SF3A2: variants seen among roughly 807,000 people sequenced by gnomAD.
SF3A2 encodes splicing factor 3a subunit 2.
Under a neutral mutation model 31.1 loss-of-function variants are expected in SF3A2, and 5 were observed. The observed-to-expected ratio is 0.16, with a 90% CI of 0.08 to 0.34. The LOEUF (loss-of-function observed/expected upper bound fraction) is 0.34, where lower values mean the gene tolerates loss of function less well. Among genes scored for constraint, SF3A2 ranks in the 10% least tolerant of loss-of-function variants. The probability of loss-of-function intolerance (pLI) is 1.00; values close to 1 mark genes in which losing one functional copy is unlikely to be tolerated. For synonymous variants in SF3A2, 365 were observed against 263.7 expected (o/e 1.38, Z -3.72); for missense variants, 577 against 643.9 (o/e 0.90, Z 1.13).
chr19:2,246,787 G>C lies in SF3A2; in HGVS notation c.390G>C (p.Gln130His), dbSNP rs772050677. 2 of 1,613,992 alleles carry C rather than the reference G, an allele frequency of 1.2e-6. No homozygotes were observed. The highest frequency in any genetic ancestry group is 4.5e-5 in the East Asian group (2 of 44,874). ...AGAGAGACTCGGAGATGGGCCAGCA[G>C]AGCCTCCTCTTCCAGGTGAGATCAG... ...TKQRDSEMGQ[Q>H]SLLFQIDYPE... Residue 130 changes from glutamine to histidine, a missense_variant, in exon 6 of 9, where the codon CAG becomes CAC. Gln to His is a conservative substitution (Grantham distance 24). Transcript: ENST00000221494. The surrounding 1 kb of genome is among the most constrained non-coding windows in gnomAD (Gnocchi z 5.5).
rs1181145817 is a variant in SF3A2 at position 2,245,168 on chromosome 19, A to G, written c.246-278A>G. The G allele has an allele frequency of 4.1e-6, 2 of 488,666 alleles. No individual in the cohort carries two copies. The highest frequency in any genetic ancestry group is 2.0e-5 in the African/African-American group (1 of 50,766). The allele number at this position is 488,666 out of a possible 1,614,324, so 30.3% of individuals were successfully genotyped here. On this transcript the variant is annotated intron_variant, in intron 4 of 8. Coordinates refer to ENST00000221494, the MANE Select transcript of SF3A2 (RefSeq NM_007165.5). The surrounding 1 kb of genome is among the most constrained non-coding windows in gnomAD (Gnocchi z 4.2). ...CACTGTACTCCATCCTGGGCGACAG[A>G]GTGAGACTCTTGTCTTATTAAAAAA...
At position 2,243,479 on chromosome 19, in the gene SF3A2, G is replaced by A; in HGVS notation, c.61G>A (p.Glu21Lys). The A allele has an allele frequency of 1.9e-6, 3 of 1,552,888 alleles. No homozygotes were observed. Among genetic ancestry groups the A allele is most frequent in the Non-Finnish European group, 2.6e-6 (3 of 1,157,338 alleles). ...GAGCGGGGGCGTGGCCTCCTCCTCCGAGAGCAACCGTGACCGCAGGGAGCG... is the reference window on the plus strand; with the variant it reads ...GAGCGGGGGCGTGGCCTCCTCCTCCAAGAGCAACCGTGACCGCAGGGAGCG... ...TGSGGVASSSESNRDRRERLR... is the reference protein window; with the variant it reads ...TGSGGVASSSKSNRDRRERLR... Residue 21 changes from glutamate to lysine, a missense_variant, in exon 2 of 9, where the codon GAG becomes AAG. Glu to Lys is a moderately conservative substitution (Grantham distance 56). Transcript: ENST00000221494.
In SF3A2 at chr19:2,247,162, A is replaced by G. The variant is rs973830494; in HGVS notation, c.546+140A>G. On this transcript the variant is annotated intron_variant, in intron 7 of 8. Transcript: ENST00000221494. ...AAGTCGGAGCCAGAAGGGTCTGCACAGGCCGGGCAGGGCACCTCTCCCATT... is the reference window on the plus strand; with the variant it reads ...AAGTCGGAGCCAGAAGGGTCTGCACGGGCCGGGCAGGGCACCTCTCCCATT... 6.8e-6 allele frequency: 6 copies of G among 883,184 alleles called. No homozygotes were observed. The African/African-American group carries it at 6.8e-5, about 10-fold the overall frequency. 54.7% of individuals were successfully genotyped at this position (883,184 alleles called of 1,614,324 possible). A position where few individuals can be genotyped will look rare whatever the true frequency, so the allele number is the denominator to read the frequency against.
At position 2,248,172 on chromosome 19, in the gene SF3A2, C is replaced by G; in HGVS notation, c.1021C>G (p.Pro341Ala). The G allele has an allele frequency of 6.8e-7, 1 of 1,475,392 alleles. No homozygotes were observed. 91.4% of individuals were successfully genotyped at this position (1,475,392 alleles called of 1,614,324 possible). The change falls in exon 9 of 9, where the codon CCC becomes GCC. Residue 341 changes from proline to alanine, a missense_variant. Pro to Ala is a conservative substitution (Grantham distance 27). Around this residue, in one of 6 missense-constraint regions of SF3A2, gnomAD observed 462 missense variants for 339.1 expected, o/e 1.36. Transcript: ENST00000221494. ...PPAPGVHPPA[P>A]GVHPPAPGVH... ...AGCTCCTGGAGTCCACCCTCCAGCC[C>G]CCGGGGTTCACCCACCAGCCCCCGG...
chr19:2,239,174 C>T (rs1599650486), intron 1 of SF3A2, among the ~76,000 whole-genome samples: 1 of 152,096 alleles, frequency 6.6e-6, no homozygotes, highest in African/African-American at 2.4e-5. Flanking sequence ...AGACCAGCCT[C>T]GCCAACCTGG....
At chr19:2,241,953 C>T (rs2024893414) in intron 1 of SF3A2, among the ~76,000 whole-genome samples, 1 of 152,192 alleles carries the variant, frequency 6.6e-6, no homozygotes, top group Non-Finnish European at 1.5e-5. Context: ...AGTTACCATG[C>T]TTGATCATTT....
At position 2,237,662 on chromosome 19, in the gene SF3A2, G is replaced by T. The variant is rs917967155; in HGVS notation, c.-38+761G>T. 3.3e-5 allele frequency: 5 copies of T among 152,206 alleles called. No individual in the cohort carries two copies. In the East Asian group the frequency reaches 9.6e-4, roughly 29 times the overall value. 9.4% of individuals were successfully genotyped at this position (152,206 alleles called of 1,614,324 possible). On this transcript the variant is annotated intron_variant, in intron 1 of 8. Coordinates refer to ENST00000221494, the MANE Select transcript of SF3A2 (RefSeq NM_007165.5). Reference sequence around the variant, plus strand: ...TGAAATGGTTTCGGCCGCCTTCCTTGTAGCCGAGAACGCTTCTGTATGCTC... The same window carrying T: ...TGAAATGGTTTCGGCCGCCTTCCTTTTAGCCGAGAACGCTTCTGTATGCTC...
intron 2 of SF3A2, 52 bp downstream of exon 2, chr19:2,243,596 C>A: frequency 2.0e-6 from 3 of 1,491,318 alleles, no homozygotes; most frequent in Non-Finnish European, 2.7e-6. Context: ...CTTTCCAGGG[C>A]AGCCCTGGAG....
rs149752384 is a variant in SF3A2, at chr19:2,246,549, C to T, written c.356-204C>T. On this transcript the variant is annotated intron_variant, in intron 5 of 8. Transcript: ENST00000221494. The surrounding 1 kb of genome is among the most constrained non-coding windows in gnomAD (Gnocchi z 5.5). ...TCCTCGGTCCCTGCCTGAGTGACTC[C>T]GCAGGTAGCTCAGCTCTGGCGCACC... 0.014 allele frequency among the ~76,000 whole-genome samples: 2,138 copies of T among 152,202 alleles called. 45 individuals carry two copies. The highest frequency in any genetic ancestry group is 0.048 in the African/African-American group (2,002 of 41,522).
chr19:2,240,743 C>T (rs2024881892), intron 1 of SF3A2, among the ~76,000 whole-genome samples: 1 of 152,234 alleles, frequency 6.6e-6, no homozygotes, highest in Non-Finnish European at 1.5e-5. Context: ...TTCTCCAAGT[C>T]CTCCCAGCCA....
In SF3A2 at chr19:2,247,590, C is replaced by G. The variant is rs771293515; in HGVS notation, c.547-4C>G. 1 of 1,613,212 alleles carries G rather than the reference C, an allele frequency of 6.2e-7. No individual in the cohort carries two copies. The highest frequency in any genetic ancestry group is 1.1e-5 in the South Asian group (1 of 91,086). Reference sequence around the variant, plus strand: ...GGAGCCCTCTCTGTCCCCCGCCCTCCCAGGTGCCGAGCAGAGAGATCGACA... The same window carrying G: ...GGAGCCCTCTCTGTCCCCCGCCCTCGCAGGTGCCGAGCAGAGAGATCGACA... On this transcript the variant is annotated splice_region_variant and splice_polypyrimidine_tract_variant and intron_variant, in intron 7 of 8. Transcript: ENST00000221494.
chr19:2,239,712 A>C (rs1307409875), intron 1 of SF3A2, among the ~76,000 whole-genome samples: 2 of 151,594 alleles, frequency 1.3e-5, no homozygotes, highest in Non-Finnish European at 1.5e-5. Context: ...GTGTTTTTTC[A>C]GTTCTCACTC....
rs142291776 is a variant in SF3A2 at position 2,240,964 on chromosome 19, A to G, written c.-37-2418A>G. 3.5e-3 allele frequency among the ~76,000 whole-genome samples: 533 copies of G among 152,196 alleles called. 4 individuals are homozygous for G. The highest frequency in any genetic ancestry group is 0.012 in the African/African-American group (497 of 41,508). Reference sequence around the variant, plus strand: ...CCTGGGTCCTCCGCAGACACGTCCCACCCACTGCTCTTCTCTCTGCCAGAA... The same window carrying G: ...CCTGGGTCCTCCGCAGACACGTCCCGCCCACTGCTCTTCTCTCTGCCAGAA... On this transcript the variant is annotated intron_variant, in intron 1 of 8. Transcript: ENST00000221494.
At position 2,245,428 on chromosome 19, in the gene SF3A2, C is replaced by T. The variant is rs1186267131; in HGVS notation, c.246-18C>T. The stretch of plus-strand genomic sequence containing the variant: ...TGTGTGTGGAGGGGTCCCAGCAGCA[C>T]CTCCATCCTGTCCGCAGGGCCCGGC... On this transcript the variant is annotated intron_variant, in intron 4 of 8. Transcript: ENST00000221494. This position sits in a 1 kb window ranked among gnomAD's most constrained non-coding sequence, Gnocchi z 4.2. 3 of 1,542,128 alleles carry T rather than the reference C, an allele frequency of 1.9e-6. No individual in the cohort carries two copies. Among genetic ancestry groups the T allele is most frequent in the Non-Finnish European group, 2.6e-6 (3 of 1,140,496 alleles).
At position 2,246,891 on chromosome 19, in the gene SF3A2, C is replaced by A; in HGVS notation, c.415C>A (p.Pro139Thr). 6.2e-7 allele frequency: 1 copy of A among 1,610,836 alleles called. No homozygotes were observed. The highest frequency in any genetic ancestry group is 8.5e-7 in the Non-Finnish European group (1 of 1,178,618). ...QQSLLFQIDYPEIAEGIMPRH... is the reference protein window; with the variant it reads ...QQSLLFQIDYTEIAEGIMPRH... ...GGCCGTGTCCCTGCAGATTGACTAC[C>A]CTGAGATCGCCGAGGGCATCATGCC... The change falls in exon 7 of 9, where the codon CCT becomes ACT. Residue 139 changes from proline to threonine, a missense_variant. Pro to Thr is a conservative substitution (Grantham distance 38). Around this residue, in one of 6 missense-constraint regions of SF3A2, gnomAD observed 21 missense variants for 38.6 expected, o/e 0.54. Transcript: ENST00000221494. This position sits in a 1 kb window ranked among gnomAD's most constrained non-coding sequence, Gnocchi z 5.5.
chr19:2,239,789 AT>A (rs2024873107), intron 1 of SF3A2, among the ~76,000 whole-genome samples: 1 of 151,462 alleles, frequency 6.6e-6, no homozygotes, highest in Non-Finnish European at 1.5e-5. Flanking sequence ...TTTATGAAAG[AT>A]TTGTTTGGCT....
In SF3A2 at chr19:2,245,648, C is replaced by G; in HGVS notation, c.355+93C>G. The G allele has an allele frequency of 1.1e-6, 1 of 919,250 alleles. No individual in the cohort carries two copies. The highest frequency in any genetic ancestry group is 1.7e-6 in the Non-Finnish European group (1 of 577,652). 56.9% of individuals were successfully genotyped at this position (919,250 alleles called of 1,614,324 possible). On this transcript the variant is annotated intron_variant, in intron 5 of 8. Transcript: ENST00000221494. The surrounding 1 kb of genome is among the most constrained non-coding windows in gnomAD (Gnocchi z 4.2). ...GTGCGGGAGGTGCAGCCCTGATAGC[C>G]TCCTCCCTGAGCCACTGTTTTCCGG...
At chr19:2,243,613 C>T (rs2024908576) in intron 2 of SF3A2, 69 bp downstream of exon 2, 2 of 1,443,132 alleles carry the variant, frequency 1.4e-6, no homozygotes, top group East Asian at 5.6e-5. Flanking sequence ...GGAGAGGGTG[C>T]CAGAGGCTCT....
chr19:2,246,569 C>T lies in SF3A2; in HGVS notation c.356-184C>T, dbSNP rs576748158. 5.9e-5 allele frequency among the ~76,000 whole-genome samples: 9 copies of T among 152,230 alleles called. No individual in the cohort carries two copies. The East Asian group carries it at 9.7e-4, about 16-fold the overall frequency. ...GACTCCGCAGGTAGCTCAGCTCTGG[C>T]GCACCTGTGCCTTCACCTATACCAG... is the stretch of plus-strand genomic sequence containing the variant. On this transcript the variant is annotated intron_variant, in intron 5 of 8. Transcript: ENST00000221494. The surrounding 1 kb of genome is among the most constrained non-coding windows in gnomAD (Gnocchi z 5.5).
Sources: allele counts gnomAD v4.1 joint callset (sites outside exome capture counted in the v4.1 genomes callset), GRCh38; gene constraint gnomAD v4.1.1; regional missense constraint gnomAD v4.1.1; non-coding constraint Gnocchi (gnomAD v3.1); transcripts MANE v1.5; gene names NCBI Gene and HGNC (gene_info 2026-07-23, HGNC 2026-07-21).